USP4: variants seen among roughly 807,000 people sequenced by gnomAD.
The protein encoded by USP4 is ubiquitin specific peptidase 4, also known as ubiquitin carboxyl-terminal hydrolase 4.
A neutral mutation model predicts 118.2 loss-of-function variants in USP4; 72 were observed. The ratio of observed to expected loss-of-function variants is 0.61; its 90% CI spans 0.50 to 0.74. The LOEUF (loss-of-function observed/expected upper bound fraction) is 0.74, where lower values mean the gene tolerates loss of function less well. Among genes scored for constraint, USP4 ranks in the 30% least tolerant of loss-of-function variants. The pLI is 0.00. For missense variants in USP4, 1,037 were observed against 1,185.7 expected (o/e 0.87, Z 1.84); for synonymous variants, 415 against 440.4 (o/e 0.94, Z 0.72).
intron 6 of USP4, among the ~76,000 whole-genome samples, chr3:49,313,576 G>T (rs1575613401): frequency 1.3e-5 from 2 of 152,036 alleles, no homozygotes; most frequent in African/African-American, 4.8e-5. Context: ...CCCCAAAAAG[G>T]CTGGATGCAA....
chr3:49,285,983 C>A, intron 16 of USP4, 115 bp downstream of exon 16: 1 of 961,460 alleles, frequency 1.0e-6, no homozygotes, highest in Non-Finnish European at 1.6e-6. Context: ...ACAAGTGCTG[C>A]TCCTGGAGGC....
intron 6 of USP4, among the ~76,000 whole-genome samples, chr3:49,313,714 A>G (rs2047409338): frequency 6.6e-6 from 1 of 152,196 alleles, no homozygotes. Context: ...TCATGTTTTA[A>G]TATTTTTCAG....
intron 6 of USP4, chr3:49,318,609 A>G (rs1331518381): frequency 2.0e-6 from 2 of 985,254 alleles, no homozygotes; most frequent in African/African-American, 3.5e-5. Flanking sequence ...AAAAAAAGAC[A>G]ATTAAATATA....
At chr3:49,324,634 A>G (rs1241340113) in intron 6 of USP4, 68 bp downstream of exon 6, 31 of 1,421,802 alleles carry the variant, frequency 2.2e-5, no homozygotes, top group Non-Finnish European at 2.2e-5. Flanking sequence ...TAGTACAAGT[A>G]CTGCCTTAGG....
At chr3:49,280,635 C>A in intron 20 of USP4, 109 bp downstream of exon 20, 1 of 772,098 alleles carries the variant, frequency 1.3e-6, no homozygotes, top group Non-Finnish European at 2.2e-6. Flanking sequence ...AGCATGAAGC[C>A]TGTGAAACTG....
At chr3:49,296,598 G>A (rs2047211796) in intron 13 of USP4, among the ~76,000 whole-genome samples, 2 of 152,146 alleles carry the variant, frequency 1.3e-5, no homozygotes, top group Admixed American at 1.3e-4. Flanking sequence ...GCAGTGAGCC[G>A]AGATTGCGCC....
intron 18 of USP4, 98 bp downstream of exon 18, chr3:49,284,368 C>T (rs1011913431): frequency 9.2e-7 from 1 of 1,085,362 alleles, no homozygotes; most frequent in South Asian, 1.4e-5. Flanking sequence ...AGAAGTGACA[C>T]ATCCAAATAC....
At chr3:49,296,518 G>A (rs571044567) in intron 13 of USP4, among the ~76,000 whole-genome samples, 115 of 149,346 alleles carry the variant, frequency 7.7e-4, no homozygotes, top group African/African-American at 2.7e-3. Context: ...GCGTGGTGGC[G>A]GGTGCCTGTA....
chr3:49,322,395 C>A (rs1436712092), intron 6 of USP4, among the ~76,000 whole-genome samples: 10 of 152,194 alleles, frequency 6.6e-5, no homozygotes, highest in African/African-American at 1.9e-4. Context: ...AGTGCTAGCA[C>A]AAACATCCTG....
intron 19 of USP4, among the ~76,000 whole-genome samples, chr3:49,282,814 TCTC>T (rs2047048732): frequency 6.6e-6 from 1 of 151,610 alleles, no homozygotes; most frequent in Non-Finnish European, 1.5e-5. Flanking sequence ...TTCAAGCAAT[TCTC>T]CTGCCTCAGC....
At chr3:49,310,864 C>A in intron 7 of USP4, 127 bp from the exon 8 acceptor site, 3 of 696,838 alleles carry the variant, frequency 4.3e-6, no homozygotes, top group South Asian at 1.8e-5. Flanking sequence ...CAAATTCCCT[C>A]TACTCCCTCC....
At chr3:49,302,343 T>C in intron 10 of USP4, 41 bp downstream of exon 10, 1 of 1,601,530 alleles carries the variant, frequency 6.2e-7, no homozygotes. Flanking sequence ...AGGAGGCAGC[T>C]TCTTTGGCAT....
chr3:49,305,596 T>C (rs990137935), intron 9 of USP4, 119 bp downstream of exon 9: 3 of 828,200 alleles, frequency 3.6e-6, no homozygotes, highest in South Asian at 2.7e-5. Context: ...GCTGAACTAG[T>C]AAGCATAATG....
intron 6 of USP4, among the ~76,000 whole-genome samples, chr3:49,319,031 TAAATAG>T (rs2047471520): frequency 6.8e-6 from 1 of 146,810 alleles, no homozygotes; most frequent in South Asian, 2.1e-4. Flanking sequence ...GATAAATAAA[TAAATAG>T]AAATACATTG....
intron 9 of USP4, 78 bp from the exon 10 acceptor site, chr3:49,302,620 T>C: frequency 1.4e-6 from 2 of 1,453,204 alleles, no homozygotes; most frequent in African/African-American, 1.4e-5. Context: ...CCATCAAAAA[T>C]AGCTCTGAGG....
intron 6 of USP4, among the ~76,000 whole-genome samples, chr3:49,319,689 C>T (rs2047479383): frequency 6.6e-6 from 1 of 151,810 alleles, no homozygotes; most frequent in South Asian, 2.1e-4. Context: ...TCTCAGCTCA[C>T]TACAACCTCC....
chr3:49,282,278 A>G (rs2047038921), intron 19 of USP4, among the ~76,000 whole-genome samples: 1 of 151,940 alleles, frequency 6.6e-6, no homozygotes, highest in African/African-American at 2.4e-5. Flanking sequence ...AAAGATAAAG[A>G]ATTTTTTTTT....
At chr3:49,290,217 C>T (rs997687275) in intron 15 of USP4, among the ~76,000 whole-genome samples, 1 of 152,128 alleles carries the variant, frequency 6.6e-6, no homozygotes, top group South Asian at 2.1e-4. Flanking sequence ...GAGTTCGAGA[C>T]CAGACTCGCC....
intron 1 of USP4, among the ~76,000 whole-genome samples, chr3:49,338,440 C>T (rs138273955): frequency 0.011 from 1,599 of 150,824 alleles, 28 homozygotes; most frequent in African/African-American, 0.038. Flanking sequence ...CGGGCGATCA[C>T]CTGAGATCTG....
Sources: gnomAD v4.1 joint callset for allele counts (sites outside exome capture counted in the v4.1 genomes callset) on GRCh38, gnomAD v4.1.1 for gene constraint, MANE v1.5 for transcripts, NCBI Gene and HGNC (gene_info 2026-07-23, HGNC 2026-07-21) for gene names.